Variants in DNAJC24 observed in about 807,000 individuals in gnomAD.
DNAJC24 encodes dnaJ homolog subfamily C member 24.
DNAJC24 carries 17 observed loss-of-function variants against 18.0 expected under a neutral mutation model. The observed-to-expected ratio is 0.94, with a 90% CI of 0.65 to 1.42. The LOEUF is 1.42. Among genes scored for constraint, DNAJC24 ranks in the 40% most tolerant of loss-of-function variants. The probability of loss-of-function intolerance (pLI) is 0.00; values close to 1 mark genes in which losing one functional copy is unlikely to be tolerated. For missense variants in DNAJC24, 158 were observed against 175.6 expected, an observed-to-expected ratio of 0.90 and a Z score of 0.57; for synonymous variants, 55 against 57.7, an observed-to-expected ratio of 0.95 and a Z score of 0.21.
intron 3 of DNAJC24, among the ~76,000 whole-genome samples, chr11:31,418,840 C>T (rs991758430): frequency 2.6e-5 from 4 of 152,004 alleles, no homozygotes; most frequent in African/African-American, 9.7e-5. Context: ...TGCTCCATCC[C>T]TTTATTAGGA....
At chr11:31,371,879 A>G (rs1347902114) in intron 2 of DNAJC24, among the ~76,000 whole-genome samples, 2 of 137,048 alleles carry the variant, frequency 1.5e-5, no homozygotes, top group Non-Finnish European at 3.0e-5. Flanking sequence ...GCTAGGGTGC[A>G]ATGGTGCGAT....
intron 2 of DNAJC24, among the ~76,000 whole-genome samples, chr11:31,404,552 A>G (rs914454540): frequency 1.3e-5 from 2 of 152,210 alleles, no homozygotes; most frequent in African/African-American, 4.8e-5. Flanking sequence ...TATTGTGGTC[A>G]GATTTATTAA....
intron 3 of DNAJC24, chr11:31,415,624 G>A (rs1952745414): frequency 6.6e-6 from 1 of 152,218 alleles, no homozygotes; most frequent in Non-Finnish European, 1.5e-5. Context: ...ACTGGCCTAG[G>A]GACAGGAGTC....
chr11:31,430,796 A>G lies in DNAJC24; in HGVS notation c.*395A>G, dbSNP rs1952915031. On this transcript the variant is annotated 3_prime_UTR_variant, in exon 5 of 5. Transcript: ENST00000465995. ...CTAACCGATAACGTTTCTAGTTGCTAAAGTTATGGGGCTGTTGTACACCTA... is the reference window on the plus strand; with the variant it reads ...CTAACCGATAACGTTTCTAGTTGCTGAAGTTATGGGGCTGTTGTACACCTA... 1 of 152,776 alleles carries G rather than the reference A, an allele frequency of 6.5e-6. No homozygotes were observed. Among genetic ancestry groups the G allele is most frequent in the Admixed American group, 6.5e-5 (1 of 15,288 alleles). The allele number at this position is 152,776 out of a possible 1,614,324, so 9.5% of individuals were successfully genotyped here.
At chr11:31,414,775 C>G (rs1249854564) in intron 2 of DNAJC24, 36 bp from the exon 3 acceptor site, 2 of 1,587,342 alleles carry the variant, frequency 1.3e-6, no homozygotes, top group South Asian at 1.2e-5. Flanking sequence ...TCAGCTCTCT[C>G]TACTCACCCC....
intron 2 of DNAJC24, among the ~76,000 whole-genome samples, chr11:31,398,670 C>A (rs1330474541): frequency 5.3e-5 from 8 of 152,216 alleles, no homozygotes; most frequent in South Asian, 2.1e-4. Flanking sequence ...GAATTCAAAG[C>A]CACTGAACTA....
chr11:31,385,097 T>C, intron 2 of DNAJC24: 1 of 152,210 alleles, frequency 6.6e-6, no homozygotes, highest in East Asian at 1.9e-4. Context: ...CTTGTAATTT[T>C]TAAAAAGTTT....
At chr11:31,410,473 C>T (rs1023947566) in intron 2 of DNAJC24, among the ~76,000 whole-genome samples, 4 of 152,138 alleles carry the variant, frequency 2.6e-5, no homozygotes, top group Non-Finnish European at 4.4e-5. Context: ...TTCTCTCAGT[C>T]TGTGGCTTGT....
chr11:31,403,055 C>T (rs1342834590), intron 2 of DNAJC24, among the ~76,000 whole-genome samples: 2 of 151,848 alleles, frequency 1.3e-5, no homozygotes, highest in Non-Finnish European at 2.9e-5. Context: ...CCCAAAGGAC[C>T]TGAGTAAGGT....
At chr11:31,396,040 C>A (rs558333959) in intron 2 of DNAJC24, among the ~76,000 whole-genome samples, 3 of 152,278 alleles carry the variant, frequency 2.0e-5, no homozygotes, top group Admixed American at 1.3e-4. Flanking sequence ...TTTCTTCTTG[C>A]CAAACATTAA....
At position 31,406,754 on chromosome 11, in the gene DNAJC24, G is replaced by T. The variant is rs543664036; in HGVS notation, c.112-8057G>T. 2.0e-5 allele frequency among the ~76,000 whole-genome samples: 3 copies of T among 152,210 alleles called. No individual in the cohort carries two copies. The South Asian group carries it at 6.2e-4, about 32-fold the overall frequency. ...GGGGACTAGTTAGGAGCTAATGTTG[G>T]TCTGTACTAGGTTTGGTATTGGGAA... is the stretch of plus-strand genomic sequence containing the variant. On this transcript the variant is annotated intron_variant, in intron 2 of 4. Coordinates refer to ENST00000465995, the MANE Select transcript of DNAJC24 (RefSeq NM_181706.5).
chr11:31,397,039 T>C (rs1261821868), intron 2 of DNAJC24, among the ~76,000 whole-genome samples: 2 of 152,212 alleles, frequency 1.3e-5, no homozygotes, highest in African/African-American at 4.8e-5. Context: ...ATATATCACC[T>C]TTATTATAAA....
chr11:31,378,717 A>G (rs1952345049), intron 2 of DNAJC24, among the ~76,000 whole-genome samples: 1 of 152,094 alleles, frequency 6.6e-6, no homozygotes, highest in Non-Finnish European at 1.5e-5. Flanking sequence ...TTTAGAGAAA[A>G]GGTATTATTT....
intron 2 of DNAJC24, among the ~76,000 whole-genome samples, chr11:31,402,762 A>G (rs1393711756): frequency 6.6e-6 from 1 of 152,178 alleles, no homozygotes; most frequent in African/African-American, 2.4e-5. Flanking sequence ...CTCCTGCCTT[A>G]GCTTCCCAAA....
Position 31,430,925 on chromosome 11 carries a change from G to GA in DNAJC24, c.*527dup, listed in dbSNP as rs1189780576. The GA allele has an allele frequency of 6.6e-6, 1 of 152,526 alleles. No homozygotes were observed. Among genetic ancestry groups the GA allele is most frequent in the Non-Finnish European group, 1.5e-5 (1 of 68,050 alleles). 9.4% of individuals were successfully genotyped at this position (152,526 alleles called of 1,614,324 possible). A position where few individuals can be genotyped will look rare whatever the true frequency, so the allele number is the denominator to read the frequency against. ...TAATAAAGACAAAGTGGCAACTGTAGAAAGTGTTGCCTCCAATCTTGGTCC... is the reference window on the plus strand; with the variant it reads ...TAATAAAGACAAAGTGGCAACTGTAGAAAAGTGTTGCCTCCAATCTTGGTCC... On this transcript the variant is annotated 3_prime_UTR_variant, in exon 5 of 5. Coordinates refer to ENST00000465995, the MANE Select transcript of DNAJC24 (RefSeq NM_181706.5).
At chr11:31,372,285 T>A (rs1952273520) in intron 2 of DNAJC24, among the ~76,000 whole-genome samples, 1 of 137,376 alleles carries the variant, frequency 7.3e-6, no homozygotes, top group East Asian at 1.9e-4. Flanking sequence ...CCATTATTTA[T>A]ATAGAATTTG....
chr11:31,423,606 T>C (rs1325907193), intron 3 of DNAJC24, among the ~76,000 whole-genome samples: 2 of 152,122 alleles, frequency 1.3e-5, no homozygotes, highest in Admixed American at 6.5e-5. Flanking sequence ...AACTCCTCAT[T>C]TCCCCCACCA....
intron 2 of DNAJC24, among the ~76,000 whole-genome samples, chr11:31,394,085 G>C (rs921608149): frequency 3.3e-5 from 5 of 152,172 alleles, no homozygotes; most frequent in Non-Finnish European, 7.3e-5. Context: ...ATGCCTGAGT[G>C]ACACTTACCT....
intron 2 of DNAJC24, among the ~76,000 whole-genome samples, chr11:31,388,015 A>G (rs1338445288): frequency 6.6e-5 from 10 of 152,144 alleles, no homozygotes; most frequent in Non-Finnish European, 1.2e-4. Context: ...GATCAAGCAG[A>G]ATAAAGAATT....
Sources: gnomAD v4.1 joint callset for allele counts (sites outside exome capture counted in the v4.1 genomes callset) on GRCh38, gnomAD v4.1.1 for gene constraint, MANE v1.5 for transcripts, NCBI Gene and HGNC (gene_info 2026-07-23, HGNC 2026-07-21) for gene names.